The following DMD variants were observed in gnomAD, a reference collection of about 807,000 sequenced individuals.
DMD encodes the protein dystrophin, also known as mutant dystrophin.
In DMD, 63 loss-of-function variants were observed where a neutral mutation model predicts 330.1. That is an observed-to-expected ratio of 0.19 (90% confidence interval 0.16 to 0.24). The LOEUF is 0.24. Ranked by LOEUF, DMD falls within the 10% of genes least tolerant of loss-of-function variation. The pLI is 1.00. For synonymous variants in DMD, 1,223 were observed against 959.8 expected, an observed-to-expected ratio of 1.27 and a Z score of -5.07; for missense variants, 3,344 against 2,684.1, an observed-to-expected ratio of 1.25 and a Z score of -5.43.
intron 30 of DMD, 34 bp downstream of exon 30, chrX:32,411,718 A>G: frequency 8.3e-7 from 1 of 1,205,742 alleles, no homozygotes; most frequent in Admixed American, 2.2e-5. Context: ...TAATAAAAAC[A>G]AAAGAATGGA....
chrX:31,350,680 G>GAACA (rs2058362483), intron 60 of DMD, among the ~76,000 whole-genome samples: 1 of 105,589 alleles, frequency 9.5e-6, no homozygotes, highest in Non-Finnish European at 1.9e-5. Flanking sequence ...AAGCGATGCG[G>GAACA]AACAAACAAG....
At chrX:32,758,345 C>A (rs1603369887) in intron 7 of DMD, among the ~76,000 whole-genome samples, 1 of 111,324 alleles carries the variant, frequency 9.0e-6, no homozygotes, top group African/African-American at 3.3e-5. Flanking sequence ...CAAGCTCACG[C>A]AGCTCTAGAT....
intron 5 of DMD, among the ~76,000 whole-genome samples, chrX:32,818,981 T>G (rs1715778745): frequency 9.4e-6 from 1 of 105,921 alleles, no homozygotes; most frequent in South Asian, 4.3e-4. Context: ...TTTCCACTCC[T>G]GTCACCTCTG....
chrX:31,977,741 A>G (rs1488273766), intron 44 of DMD, among the ~76,000 whole-genome samples: 1 of 108,913 alleles, frequency 9.2e-6, no homozygotes, highest in East Asian at 2.9e-4. Context: ...GGTGATGATA[A>G]AAACAATTGT....
intron 45 of DMD, among the ~76,000 whole-genome samples, chrX:31,942,469 T>C (rs2095020285): frequency 1.8e-5 from 2 of 112,401 alleles, no homozygotes; most frequent in Admixed American, 1.9e-4. Flanking sequence ...TTCTTTGCAC[T>C]GTATAGTTCA....
chrX:32,586,323 T>C (rs895256040), intron 13 of DMD, among the ~76,000 whole-genome samples: 6 of 109,099 alleles, frequency 5.5e-5, no homozygotes, highest in Non-Finnish European at 1.1e-4. Context: ...TGTTAATATA[T>C]ATATACTGCT....
chrX:31,459,385 T>C (rs1470995270), intron 59 of DMD, among the ~76,000 whole-genome samples: 1 of 112,455 alleles, frequency 8.9e-6, no homozygotes, highest in African/African-American at 3.2e-5. Flanking sequence ...CACATCAATG[T>C]ATTGCCAAAG....
intron 9 of DMD, among the ~76,000 whole-genome samples, chrX:32,670,145 A>G (rs754189773): frequency 8.9e-6 from 1 of 111,734 alleles, no homozygotes; most frequent in African/African-American, 3.2e-5. Flanking sequence ...GAGGATTTAT[A>G]TGAAAAGTTA....
intron 1 of DMD, among the ~76,000 whole-genome samples, chrX:33,302,755 T>C (rs1603429599): frequency 1.8e-5 from 2 of 111,710 alleles, no homozygotes; most frequent in Non-Finnish European, 3.8e-5. Flanking sequence ...TTACAATTGA[T>C]GAACCTATAT....
chrX:32,824,412 T>C (rs774220569), intron 4 of DMD, among the ~76,000 whole-genome samples: 2 of 111,984 alleles, frequency 1.8e-5, no homozygotes, highest in Admixed American at 1.9e-4. Flanking sequence ...ATAACACTCA[T>C]CAATGAAAAG....
intron 7 of DMD, among the ~76,000 whole-genome samples, chrX:32,738,490 G>T (rs775009853): frequency 2.7e-5 from 3 of 111,497 alleles, no homozygotes; most frequent in East Asian, 5.6e-4. Flanking sequence ...TAAAGCAATT[G>T]TAAGGCTTAA....
chrX:32,294,511 C>A (rs1490084879), intron 42 of DMD, among the ~76,000 whole-genome samples: 1 of 111,711 alleles, frequency 9.0e-6, no homozygotes, highest in African/African-American at 3.3e-5. Context: ...GGGGAGCTAC[C>A]AATTCTTTGG....
intron 42 of DMD, among the ~76,000 whole-genome samples, chrX:32,305,274 G>C (rs1328573275): frequency 3.6e-5 from 4 of 111,174 alleles, no homozygotes; most frequent in African/African-American, 1.3e-4. Context: ...AGATTCCAGA[G>C]GAGAAAGATC....
At chrX:31,278,267 T>C (rs1250867194) in intron 62 of DMD, among the ~76,000 whole-genome samples, 3 of 111,807 alleles carry the variant, frequency 2.7e-5, no homozygotes, top group Admixed American at 9.5e-5. Flanking sequence ...TGGACAATCA[T>C]GCATCATTAT....
At chrX:33,253,969 A>G (rs755167687) in intron 1 of DMD, among the ~76,000 whole-genome samples, 1 of 111,128 alleles carries the variant, frequency 9.0e-6, no homozygotes, top group East Asian at 2.8e-4. Flanking sequence ...GCCTAATGTC[A>G]TGATCCCTTT....
intron 43 of DMD, among the ~76,000 whole-genome samples, chrX:32,228,587 A>T (rs995813519): frequency 3.6e-5 from 4 of 111,744 alleles, no homozygotes; most frequent in Middle Eastern, 4.6e-3. Context: ...GGCTAAGTTA[A>T]ATAATTTAAA....
chrX:31,471,517 G>A (rs1243088602), intron 59 of DMD, among the ~76,000 whole-genome samples: 1 of 111,962 alleles, frequency 8.9e-6, no homozygotes, highest in Non-Finnish European at 1.9e-5. Flanking sequence ...GCCGGGTACT[G>A]CAGTTGGAAA....
At chrX:31,385,072 CA>C (rs2060383912) in intron 60 of DMD, among the ~76,000 whole-genome samples, 1 of 112,165 alleles carries the variant, frequency 8.9e-6, no homozygotes, top group Non-Finnish European at 1.9e-5. Context: ...CATTTCTCCT[CA>C]AAATTCCTAC....
At chrX:31,334,819 T>C (rs908780347) in intron 61 of DMD, among the ~76,000 whole-genome samples, 2 of 111,944 alleles carry the variant, frequency 1.8e-5, no homozygotes, top group Non-Finnish European at 3.8e-5. Context: ...TGACCTCCTA[T>C]CATTCACCAT....
Sources: gnomAD v4.1 joint callset for allele counts (sites outside exome capture counted in the v4.1 genomes callset) on GRCh38, gnomAD v4.1.1 for gene constraint, MANE v1.5 for transcripts, NCBI Gene and HGNC (gene_info 2026-07-23, HGNC 2026-07-21) for gene names.